Variants in SLC15A4 observed in about 807,000 individuals in gnomAD.
SLC15A4 encodes the protein solute carrier family 15 member 4.
A neutral mutation model predicts 46.1 loss-of-function variants in SLC15A4; 26 were observed. That is an observed-to-expected ratio of 0.56 (90% confidence interval 0.41 to 0.78). The LOEUF is 0.78. Ranked by LOEUF, SLC15A4 falls within the 30% of genes least tolerant of loss-of-function variation. The pLI, the probability that SLC15A4 is intolerant of heterozygous loss-of-function variation, is 0.00. For missense variants in SLC15A4, 751 were observed against 755.7 expected (o/e 0.99, Z 0.07); for synonymous variants, 370 against 333.4 (o/e 1.11, Z -1.20).
chr12:128,822,934 C>G (rs887882869), intron 1 of SLC15A4, among the ~76,000 whole-genome samples: 1 of 152,074 alleles, frequency 6.6e-6, no homozygotes, highest in Non-Finnish European at 1.5e-5. Context: ...CTGCAGCCTC[C>G]GAAACTCGTA....
intron 5 of SLC15A4, among the ~76,000 whole-genome samples, chr12:128,808,505 TA>T (rs1177757272): frequency 2.6e-5 from 4 of 152,220 alleles, no homozygotes; most frequent in African/African-American, 9.6e-5. Flanking sequence ...AGCCTAATTC[TA>T]AATCAGTAGG....
In SLC15A4 at chr12:128,823,419, G is replaced by T; in HGVS notation, c.525C>A (p.Ile175=). The change falls in exon 1 of 8, where the codon ATC becomes ATA. Residue 175 remains isoleucine, a synonymous_variant. Coordinates refer to ENST00000266771, the MANE Select transcript of SLC15A4 (RefSeq NM_145648.4). ...GLGVATVKAN[I]TPFGADQVKD... is the part of the protein sequence containing the mutation. Reference sequence around the variant, plus strand: ...TCACCTGGTCGGCGCCGAAGGGCGTGATGTTGGCCTTGACGGTGGCCACGC... The same window carrying T: ...TCACCTGGTCGGCGCCGAAGGGCGTTATGTTGGCCTTGACGGTGGCCACGC... The T allele has an allele frequency of 6.9e-7, 1 of 1,452,814 alleles. No homozygotes were observed. 90.0% of individuals were successfully genotyped at this position (1,452,814 alleles called of 1,614,324 possible). A position where few individuals can be genotyped will look rare whatever the true frequency, so the allele number is the denominator to read the frequency against.
At chr12:128,795,783 G>A (rs576115026) in intron 7 of SLC15A4, among the ~76,000 whole-genome samples, 1 of 152,360 alleles carries the variant, frequency 6.6e-6, no homozygotes, top group South Asian at 2.1e-4. Flanking sequence ...AGGCCAAGCC[G>A]AGTGTCGCCC....
At chr12:128,809,728 G>A (rs1955632416) in intron 3 of SLC15A4, 1 of 547,136 alleles carries the variant, frequency 1.8e-6, no homozygotes, top group East Asian at 3.0e-5. Context: ...AAAACCAGAA[G>A]CGTACCTGTT....
intron 5 of SLC15A4, among the ~76,000 whole-genome samples, chr12:128,805,903 C>T (rs1457321281): frequency 6.6e-6 from 1 of 151,894 alleles, no homozygotes; most frequent in Non-Finnish European, 1.5e-5. Flanking sequence ...AAAACCTGGC[C>T]GGGTGTGGTG....
At chr12:128,809,896 A>C (rs368688114) in intron 3 of SLC15A4, 47 bp downstream of exon 3, 2 of 1,576,182 alleles carry the variant, frequency 1.3e-6, no homozygotes, top group Admixed American at 1.8e-5. Flanking sequence ...CTAGGGTAAG[A>C]CTTCATAGGA....
At chr12:128,798,427 T>G (rs976117252) in intron 7 of SLC15A4, among the ~76,000 whole-genome samples, 2 of 152,140 alleles carry the variant, frequency 1.3e-5, no homozygotes, top group Non-Finnish European at 2.9e-5. Flanking sequence ...GGCTTTACAT[T>G]AGGACTCCAC....
At chr12:128,794,378 C>A in intron 7 of SLC15A4, 22 bp from the exon 8 acceptor site, 1 of 1,598,886 alleles carries the variant, frequency 6.3e-7, no homozygotes, top group Non-Finnish European at 8.5e-7. Context: ...AAAAGGAAAG[C>A]GGCAGGTAAG....
intron 7 of SLC15A4, among the ~76,000 whole-genome samples, chr12:128,797,854 T>C (rs1163036791): frequency 6.6e-6 from 1 of 152,220 alleles, no homozygotes; most frequent in African/African-American, 2.4e-5. Flanking sequence ...CCAACTCTCC[T>C]TACTGGTGTG....
At chr12:128,808,718 G>T in intron 5 of SLC15A4, 70 bp downstream of exon 5, 1 of 1,526,718 alleles carries the variant, frequency 6.5e-7, no homozygotes, top group Non-Finnish European at 8.9e-7. Context: ...GACTGCGTGT[G>T]AGCACTATAT....
intron 1 of SLC15A4, among the ~76,000 whole-genome samples, chr12:128,819,234 T>C (rs1475387471): frequency 2.0e-5 from 3 of 151,994 alleles, no homozygotes; most frequent in African/African-American, 7.3e-5. Flanking sequence ...TGAAACCCCG[T>C]CTCTATTAAA....
At position 128,823,824 on chromosome 12, in the gene SLC15A4, C is replaced by G; in HGVS notation, c.120G>C (p.Val40=). Residue 40 remains valine (V), a synonymous_variant, in exon 1 of 8, where the codon GTG becomes GTC. Coordinates refer to ENST00000266771, the MANE Select transcript of SLC15A4 (RefSeq NM_145648.4). ...FAGRRAACGA[V]LLTELLERAA... is the part of the protein sequence containing the mutation. ...CGCGCTCCAGCAGCTCCGTCAGCAGCACGGCCCCGCACGCCGCGCGCCGGC... is the reference window on the plus strand; with the variant it reads ...CGCGCTCCAGCAGCTCCGTCAGCAGGACGGCCCCGCACGCCGCGCGCCGGC... The G allele has an allele frequency of 7.3e-7, 1 of 1,377,232 alleles. No homozygotes were observed. Among genetic ancestry groups the G allele is most frequent in the Non-Finnish European group, 9.5e-7 (1 of 1,055,030 alleles). 85.3% of individuals were successfully genotyped at this position (1,377,232 alleles called of 1,614,324 possible).
intron 1 of SLC15A4, among the ~76,000 whole-genome samples, chr12:128,821,884 CAAAAAAAA>C (rs10579523): frequency 1.5e-5 from 2 of 132,980 alleles, no homozygotes; most frequent in Admixed American, 7.4e-5. Context: ...GACTCCGCCT[CAAAAAAAA>C]AAAAAAAAAA....
chr12:128,802,648 G>A (rs577977344), intron 5 of SLC15A4, among the ~76,000 whole-genome samples: 5 of 152,282 alleles, frequency 3.3e-5, no homozygotes, highest in African/African-American at 9.6e-5. Context: ...TAACCTGAAT[G>A]GGAAAGATAC....
chr12:128,814,767 G>A lies in SLC15A4; in HGVS notation c.842+8C>T. 4 of 1,612,658 alleles carry A rather than the reference G, an allele frequency of 2.5e-6. No individual in the cohort carries two copies. Among genetic ancestry groups the A allele is most frequent in the Non-Finnish European group, 3.4e-6 (4 of 1,178,744 alleles). On this transcript the variant is annotated splice_region_variant and intron_variant, in intron 2 of 7. Coordinates refer to ENST00000266771, the MANE Select transcript of SLC15A4 (RefSeq NM_145648.4). ...TCAAACAGCCCAAGATGAGAACTAA[G>A]TGCTTACCCATTACTCTGGCGCTCT...
chr12:128,822,543 T>TTATG (rs1303209654), intron 1 of SLC15A4, among the ~76,000 whole-genome samples: 5 of 152,168 alleles, frequency 3.3e-5, no homozygotes, highest in Admixed American at 3.3e-4. Context: ...CATTTATTTT[T>TTATG]TATTTATTTA....
intron 1 of SLC15A4, among the ~76,000 whole-genome samples, chr12:128,818,712 T>C (rs1311683058): frequency 6.6e-6 from 1 of 152,342 alleles, no homozygotes; most frequent in East Asian, 1.9e-4. Flanking sequence ...ATCACTGCCA[T>C]CCAAGTCCAC....
chr12:128,798,938 G>A (rs552499825), intron 7 of SLC15A4, among the ~76,000 whole-genome samples: 15 of 152,350 alleles, frequency 9.8e-5, no homozygotes, highest in Admixed American at 2.6e-4. Context: ...TGAGCTGGAC[G>A]GGCGTGGAGA....
Position 128,814,923 on chromosome 12 carries a change from A to G in SLC15A4, c.694T>C (p.Cys232Arg), listed in dbSNP as rs755410968. ...FVTGYAIPTV[C>R]VGLAFVVFLC... ...AAGACCACAAAAGCAAGGCCGACGC[A>G]GACAGTGGGGATCGCATAACCAGTG... Residue 232 changes from cysteine to arginine, a missense_variant, in exon 2 of 8, where the codon TGC becomes CGC. Cys to Arg is a radical substitution (Grantham distance 180). Transcript: ENST00000266771. 3 of 1,614,226 alleles carry G rather than the reference A, an allele frequency of 1.9e-6. No homozygotes were observed. The highest frequency in any genetic ancestry group is 2.5e-6 in the Non-Finnish European group (3 of 1,180,044).
Sources: allele counts gnomAD v4.1 joint callset (sites outside exome capture counted in the v4.1 genomes callset), GRCh38; gene constraint gnomAD v4.1.1; transcripts MANE v1.5; gene names NCBI Gene and HGNC (gene_info 2026-07-23, HGNC 2026-07-21).